Variants in LMTK3 observed in about 807,000 individuals in gnomAD.
The protein encoded by LMTK3 is lemur tail kinase 3.
LMTK3 carries 27 observed loss-of-function variants against 116.7 expected under a neutral mutation model. The observed-to-expected ratio is 0.23, with a 90% CI of 0.17 to 0.32. The LOEUF (loss-of-function observed/expected upper bound fraction) is 0.32, where lower values mean the gene tolerates loss of function less well. LMTK3 is among the 10% of genes least tolerant of loss of function. The probability of loss-of-function intolerance (pLI) is 1.00; values close to 1 mark genes in which losing one functional copy is unlikely to be tolerated. For missense variants in LMTK3, 1,764 were observed against 2,068.5 expected (o/e 0.85, Z 2.86); for synonymous variants, 965 against 971.0 (o/e 0.99, Z 0.11).
In LMTK3 at chr19:48,499,204, G is replaced by A. The variant is rs1285726935; in HGVS notation, c.1865C>T (p.Ala622Val). The A allele has an allele frequency of 7.0e-7, 1 of 1,429,118 alleles. No homozygotes were observed. Among genetic ancestry groups the A allele is most frequent in the African/African-American group, 1.5e-5 (1 of 68,622 alleles). The allele number at this position is 1,429,118 out of a possible 1,614,324, so 88.5% of individuals were successfully genotyped here. A position where few individuals can be genotyped will look rare whatever the true frequency, so the allele number is the denominator to read the frequency against. ...PEGRGAGETL[A>V]GDPAEVLGER... ...CCCCAAGACCTCGGCAGGGTCTCCC[G>A]CCAGGGTCTCCCCGGCGCCCCGGCC... is the stretch of plus-strand genomic sequence containing the variant. Residue 622 changes from alanine (A) to valine (V), a missense_variant, in exon 11 of 15, where the codon GCG becomes GTG. Physicochemically the swap from Ala to Val is moderately conservative, Grantham distance 64 (BLOSUM62 0). This residue lies in a region of LMTK3 where 1,028 missense variants were observed against 1,050.6 expected (regional missense o/e 0.98). Transcript: ENST00000600059.
Position 48,508,984 on chromosome 19 carries a change from C to T in LMTK3, c.439-15G>A, listed in dbSNP as rs1463450881. The T allele has an allele frequency of 1.9e-6, 3 of 1,565,418 alleles. No individual in the cohort carries two copies. Among genetic ancestry groups the T allele is most frequent in the East Asian group, 2.2e-5 (1 of 44,594 alleles). Reference sequence around the variant, plus strand: ...CCCAGGATCACCTGGTCAAGGGGCACCCAGGAGTCAGCGAGTGCCGTTTCC... The same window carrying T: ...CCCAGGATCACCTGGTCAAGGGGCATCCAGGAGTCAGCGAGTGCCGTTTCC... On this transcript the variant is annotated splice_polypyrimidine_tract_variant and intron_variant, in intron 4 of 14. Coordinates refer to ENST00000600059, the MANE Select transcript of LMTK3 (RefSeq NM_001388485.1).
intron 2 of LMTK3, 30 bp from the exon 3 acceptor site, chr19:48,510,203 G>T: frequency 6.2e-7 from 1 of 1,602,006 alleles, no homozygotes; most frequent in South Asian, 1.1e-5. Context: ...AGAGGGGTGG[G>T]AGAACGCAGG....
At chr19:48,495,604 G>A (rs1972310253) in intron 11 of LMTK3, among the ~76,000 whole-genome samples, 1 of 152,122 alleles carries the variant, frequency 6.6e-6, no homozygotes, top group African/African-American at 2.4e-5. Context: ...GACAGTGTTC[G>A]AACACCACAG....
chr19:48,511,567 G>T lies in LMTK3; in HGVS notation c.10C>A (p.Pro4Thr). Residue 4 changes from proline (P) to threonine (T), a missense_variant, in exon 1 of 15, where the codon CCC (proline) becomes ACC (threonine). By Grantham distance (38) the Pro-to-Thr change is conservative. This residue lies in a region of LMTK3 where 66 missense variants were observed against 61.1 expected (regional missense o/e 1.08). Coordinates refer to ENST00000600059, the MANE Select transcript of LMTK3 (RefSeq NM_001388485.1). MPA[P>T]GALILLAAVS... ...GCCGCAAGGAGGATGAGGGCGCCGG[G>T]GGCAGGCATCTTGTCGAGGATGGCA... The T allele has an allele frequency of 1.4e-6, 2 of 1,436,646 alleles. No homozygotes were observed. Among genetic ancestry groups the T allele is most frequent in the South Asian group, 1.5e-5 (1 of 68,406 alleles). 89.0% of individuals were successfully genotyped at this position (1,436,646 alleles called of 1,614,324 possible). A position where few individuals can be genotyped will look rare whatever the true frequency, so the allele number is the denominator to read the frequency against.
intron 8 of LMTK3, 32 bp downstream of exon 8, chr19:48,501,446 A>G: frequency 1.9e-6 from 3 of 1,612,572 alleles, no homozygotes; most frequent in Non-Finnish European, 2.5e-6. Context: ...AGGGCACCCC[A>G]CAGCCCCCAT....
chr19:48,493,339 GCCCGCCCTCTCCCTGGGC>G lies in LMTK3; in HGVS notation c.4092+337_4092+354del, dbSNP rs1361913223. On this transcript the variant is annotated intron_variant, in intron 12 of 14. Coordinates refer to ENST00000600059, the MANE Select transcript of LMTK3 (RefSeq NM_001388485.1). ...GCCCCGCCCTGGGCTCCGCCCCCCAGCCCGCCCTCTCCCTGGGCCCCGCCCCACTCTAGCTCGGCCCCG... is the reference window on the plus strand; with the variant it reads ...GCCCCGCCCTGGGCTCCGCCCCCCAGCCCGCCCCACTCTAGCTCGGCCCCG... Among the ~76,000 whole-genome samples, 3 of 14,294 alleles carry G rather than the reference GCCCGCCCTCTCCCTGGGC, an allele frequency of 2.1e-4. No homozygotes were observed. The Admixed American group carries it at 2.8e-3, about 13-fold the overall frequency. The allele number at this position is 14,294 out of a possible 152,430, so 9.4% of individuals were successfully genotyped here.
Position 48,491,091 on chromosome 19 carries a change from G to T in LMTK3, c.4366+17C>A. 5.2e-6 allele frequency: 7 copies of T among 1,353,100 alleles called. No homozygotes were observed. Among genetic ancestry groups the T allele is most frequent in the Non-Finnish European group, 5.7e-6 (6 of 1,052,682 alleles). The allele number at this position is 1,353,100 out of a possible 1,614,324, so 83.8% of individuals were successfully genotyped here. On this transcript the variant is annotated intron_variant, in intron 14 of 14. Coordinates refer to ENST00000600059, the MANE Select transcript of LMTK3 (RefSeq NM_001388485.1). This position sits in a 1 kb window ranked among gnomAD's most constrained non-coding sequence, Gnocchi z 5.1. ...CAGAGATGGGCAGAGGAGGGGGCAG[G>T]GCCGAGGATATGGTACCTGCGGGCC...
chr19:48,503,701 C>T (rs1429357131), intron 5 of LMTK3, among the ~76,000 whole-genome samples: 3 of 152,166 alleles, frequency 2.0e-5, no homozygotes, highest in South Asian at 4.1e-4. Flanking sequence ...CCTGCTCCTC[C>T]GGCTGGCCCA....
chr19:48,499,692 T>C lies in LMTK3; in HGVS notation c.1377A>G (p.Gly459=). The change falls in exon 11 of 15, where the codon GGA becomes GGG. Residue 459 remains glycine, a synonymous_variant. Transcript: ENST00000600059. ...SPFPLLDGFP[G]ADPDDVLTVT... ...CCGTGAGCACATCGTCGGGGTCGGCTCCAGGGAAGCCATCCAGTAGGGGGA... is the reference window on the plus strand; with the variant it reads ...CCGTGAGCACATCGTCGGGGTCGGCCCCAGGGAAGCCATCCAGTAGGGGGA... 1 of 1,526,470 alleles carries C rather than the reference T, an allele frequency of 6.6e-7. No individual in the cohort carries two copies. Among genetic ancestry groups the C allele is most frequent in the Non-Finnish European group, 8.8e-7 (1 of 1,135,728 alleles). 94.6% of individuals were successfully genotyped at this position (1,526,470 alleles called of 1,614,324 possible).
At chr19:48,486,114 C>T (rs1316712238) in intron 14 of LMTK3, among the ~76,000 whole-genome samples, 1 of 117,372 alleles carries the variant, frequency 8.5e-6, no homozygotes, top group Non-Finnish European at 1.6e-5. Flanking sequence ...GGCTGGAGTG[C>T]AGTGGCGCGA....
In LMTK3 at chr19:48,499,474, G is replaced by A; in HGVS notation, c.1595C>T (p.Pro532Leu). Residue 532 changes from proline to leucine, a missense_variant, in exon 11 of 15, where the codon CCC becomes CTC. By Grantham distance (98) the Pro-to-Leu change is moderately conservative. Coordinates refer to ENST00000600059, the MANE Select transcript of LMTK3 (RefSeq NM_001388485.1). Reference protein sequence around the residue: ...SVLPVISARSPSVSSEYYIRL... With the variant: ...SVLPVISARSLSVSSEYYIRL... The stretch of plus-strand genomic sequence containing the variant: ...GATGTAGTACTCGCTGCTCACGGAG[G>A]GGCTGCGGGCGCTGATGACAGGCAG... The A allele has an allele frequency of 1.4e-6, 2 of 1,474,830 alleles. No homozygotes were observed. Among genetic ancestry groups the A allele is most frequent in the Non-Finnish European group, 1.8e-6 (2 of 1,113,246 alleles). 91.4% of individuals were successfully genotyped at this position (1,474,830 alleles called of 1,614,324 possible).
chr19:48,504,772 T>C (rs1017412439), intron 5 of LMTK3, among the ~76,000 whole-genome samples: 2 of 152,170 alleles, frequency 1.3e-5, no homozygotes, highest in African/African-American at 4.8e-5. Flanking sequence ...GCTCTTGAAC[T>C]CCTGACCTCA....
chr19:48,510,774 G>C (rs989285393), intron 1 of LMTK3, among the ~76,000 whole-genome samples, 182 bp from the exon 2 acceptor site: 2 of 152,218 alleles, frequency 1.3e-5, no homozygotes, highest in African/African-American at 2.4e-5. Context: ...GCCTTCCCAA[G>C]TGGTTGGATT....
rs777475865 is a variant in LMTK3 at position 48,501,541 on chromosome 19, G to A, written c.816C>T (p.Cys272=). ...YVHSDLALRN[C]LLTSDLTVRI... ...GCACGGTCAGGTCAGAGGTCAGCAG[G>A]CAGTTGCGCAGGGCCAGGTCGCTGC... Residue 272 remains cysteine, a synonymous_variant, in exon 8 of 15, where the codon TGC becomes TGT. Transcript: ENST00000600059. 3.7e-6 allele frequency: 6 copies of A among 1,610,608 alleles called. No individual in the cohort carries two copies. The Admixed American group carries it at 8.4e-5, about 23-fold the overall frequency.
rs1972211660 is a variant in LMTK3 at position 48,491,031 on chromosome 19, T to C, written c.4366+77A>G. 9.6e-6 allele frequency: 9 copies of C among 937,872 alleles called. No individual in the cohort carries two copies. The highest frequency in any genetic ancestry group is 1.1e-5 in the Non-Finnish European group (8 of 707,986). 58.1% of individuals were successfully genotyped at this position (937,872 alleles called of 1,614,324 possible). A position where few individuals can be genotyped will look rare whatever the true frequency, so the allele number is the denominator to read the frequency against. ...AGAGAGAGGCAGGGACATTGAAAGA[T>C]GGTCACAAGAAGTTGGCAGTGGAAC... On this transcript the variant is annotated intron_variant, in intron 14 of 14. Transcript: ENST00000600059. This position sits in a 1 kb window ranked among gnomAD's most constrained non-coding sequence, Gnocchi z 5.1.
chr19:48,513,128 G>A (rs1369989072), upstream of LMTK3: 1 of 1,592,930 alleles, frequency 6.3e-7, no homozygotes, highest in Non-Finnish European at 8.6e-7. This position sits in a 1 kb window ranked among gnomAD's most constrained non-coding sequence, Gnocchi z 5.6. Context: ...CACACGGGTC[G>A]CAAATACCCA....
upstream of LMTK3, chr19:48,513,366 A>T (rs1972692251): frequency 1.6e-6 from 1 of 620,752 alleles, no homozygotes; most frequent in East Asian, 2.8e-5. This position sits in a 1 kb window ranked among gnomAD's most constrained non-coding sequence, Gnocchi z 5.6. Context: ...CAACTGAGGC[A>T]CAGCGCGGGG....
intron 2 of LMTK3, 26 bp from the exon 3 acceptor site, chr19:48,510,199 G>A: frequency 6.2e-7 from 1 of 1,603,262 alleles, no homozygotes; most frequent in Non-Finnish European, 8.5e-7. Context: ...GAGAAGAGGG[G>A]TGGGAGAACG....
chr19:48,510,350 A>T, intron 2 of LMTK3, 109 bp downstream of exon 2: 2 of 1,463,310 alleles, frequency 1.4e-6, no homozygotes, highest in Non-Finnish European at 1.8e-6. Context: ...TTCAAGCTGG[A>T]AGGTGCTCTC....
Sources: gnomAD v4.1 joint callset for allele counts (sites outside exome capture counted in the v4.1 genomes callset) on GRCh38, gnomAD v4.1.1 for gene constraint, gnomAD v4.1.1 regional missense constraint, Gnocchi (gnomAD v3.1) non-coding constraint, MANE v1.5 for transcripts, NCBI Gene and HGNC (gene_info 2026-07-23, HGNC 2026-07-21) for gene names.